The following EVC2 variants were observed in gnomAD, a reference collection of about 807,000 sequenced individuals.
EVC2 encodes the protein limbin.
EVC2 carries 148 observed loss-of-function variants against 149.3 expected under a neutral mutation model. That is an observed-to-expected ratio of 0.99 (90% CI 0.87 to 1.14). The LOEUF is 1.14. EVC2 is among the 50% of genes most tolerant of loss of function. The probability of loss-of-function intolerance (pLI) is 0.00; values close to 1 mark genes in which losing one functional copy is unlikely to be tolerated. For synonymous variants in EVC2, 776 were observed against 649.9 expected (o/e 1.19, Z -2.95); for missense variants, 1,854 against 1,627.3 (o/e 1.14, Z -2.40).
At chr4:5,664,928 G>A (rs186408704) in intron 8 of EVC2, among the ~76,000 whole-genome samples, 23 of 149,860 alleles carry the variant, frequency 1.5e-4, no homozygotes, top group Admixed American at 4.6e-4. Context: ...TGTGGGTGAC[G>A]GGCTGCGTGT....
Position 5,657,871 on chromosome 4 carries a change from CTG to C in EVC2, c.1145+5234_1145+5235del, listed in dbSNP as rs758623595. Among the ~76,000 whole-genome samples the C allele has an allele frequency of 3.3e-5, 5 of 152,152 alleles. No homozygotes were observed. Among genetic ancestry groups the C allele is most frequent in the Admixed American group, 6.5e-5 (1 of 15,288 alleles). ...ACTGGCTCTGATGACTCTTCAATCTCTGTGCCCTCTACACCTCCCACCCTGGC... is the reference window on the plus strand; with the variant it reads ...ACTGGCTCTGATGACTCTTCAATCTCTGCCCTCTACACCTCCCACCCTGGC... On this transcript the variant is annotated intron_variant, in intron 9 of 21. Coordinates refer to ENST00000344408, the MANE Select transcript of EVC2 (RefSeq NM_147127.5). The surrounding 1 kb of genome is among the most constrained non-coding windows in gnomAD (Gnocchi z 4.7).
At chr4:5,655,437 G>T (rs999559998) in intron 9 of EVC2, among the ~76,000 whole-genome samples, 6 of 152,082 alleles carry the variant, frequency 3.9e-5, no homozygotes, top group African/African-American at 1.4e-4. Context: ...AGAGACTAAG[G>T]CCTCTTCCCC....
At chr4:5,689,622 T>C (rs931590008) in intron 4 of EVC2, among the ~76,000 whole-genome samples, 6 of 151,994 alleles carry the variant, frequency 3.9e-5, no homozygotes, top group Non-Finnish European at 8.8e-5. Context: ...AGAAGAAAAA[T>C]CTCCAAGTGC....
intron 10 of EVC2, among the ~76,000 whole-genome samples, chr4:5,638,524 T>C (rs1281298874): frequency 6.6e-6 from 1 of 151,998 alleles, no homozygotes; most frequent in Non-Finnish European, 1.5e-5. Context: ...GGATGTGGGA[T>C]GTTGAGCAGC....
chr4:5,552,203 T>TAA (rs1473596227), intron 21 of EVC2, among the ~76,000 whole-genome samples: 2 of 152,228 alleles, frequency 1.3e-5, no homozygotes, highest in African/African-American at 2.4e-5. Flanking sequence ...AGATGAGGAC[T>TAA]AAACTCTCCT....
At chr4:5,592,373 G>A (rs1712884834) in intron 16 of EVC2, among the ~76,000 whole-genome samples, 1 of 152,154 alleles carries the variant, frequency 6.6e-6, no homozygotes, top group Admixed American at 6.5e-5. Flanking sequence ...ATCTAGCGGT[G>A]CCACTAGCAA....
At chr4:5,669,202 T>A (rs750016114) in intron 7 of EVC2, among the ~76,000 whole-genome samples, 1 of 152,202 alleles carries the variant, frequency 6.6e-6, no homozygotes, top group Non-Finnish European at 1.5e-5. Flanking sequence ...CCTGCAGAAC[T>A]GTGAGAAAAT....
rs200300612 is a variant in EVC2 at position 5,565,256 on chromosome 4, A to G, written c.3659+2T>C. 5.9e-5 allele frequency: 95 copies of G among 1,613,144 alleles called. No individual in the cohort carries two copies. Among genetic ancestry groups the G allele is most frequent in the Non-Finnish European group, 7.9e-5 (93 of 1,179,660 alleles). ...GCCACATGAGCAGGTGCCCATCATT[A>G]CCTCTGCTTTCTCTTGCGGGCCCAC... On this transcript the variant is annotated splice_donor_variant, in intron 21 of 21. Coordinates refer to ENST00000344408, the MANE Select transcript of EVC2 (RefSeq NM_147127.5). LOFTEE classifies it high-confidence loss of function.
intron 18 of EVC2, among the ~76,000 whole-genome samples, chr4:5,575,673 A>C (rs911801349): frequency 6.6e-6 from 1 of 152,242 alleles, no homozygotes; most frequent in African/African-American, 2.4e-5. Context: ...GAAAAGTATG[A>C]AGCTGTTAAA....
intron 8 of EVC2, among the ~76,000 whole-genome samples, chr4:5,665,086 G>T (rs898480341): frequency 6.6e-6 from 1 of 152,068 alleles, no homozygotes; most frequent in African/African-American, 2.4e-5. Context: ...CTGCGTGTGG[G>T]TGATGGGCTT....
At position 5,633,684 on chromosome 4, in the gene EVC2, C is replaced by T. The variant is rs1716709892; in HGVS notation, c.1471-1652G>A. On this transcript the variant is annotated intron_variant, in intron 10 of 21. Transcript: ENST00000344408. This position sits in a 1 kb window ranked among gnomAD's most constrained non-coding sequence, Gnocchi z 4.4. Reference sequence around the variant, plus strand: ...GAAGCAGGCAGGTGTGGCATCATGCCATGGCTGGGCTGAGTAGAAGCCCGA... The same window carrying T: ...GAAGCAGGCAGGTGTGGCATCATGCTATGGCTGGGCTGAGTAGAAGCCCGA... 6.6e-6 allele frequency among the ~76,000 whole-genome samples: 1 copy of T among 152,244 alleles called. No homozygotes were observed. Among genetic ancestry groups the T allele is most frequent in the Admixed American group, 6.5e-5 (1 of 15,292 alleles).
intron 4 of EVC2, among the ~76,000 whole-genome samples, chr4:5,690,896 T>A (rs903879493): frequency 6.6e-6 from 1 of 152,200 alleles, no homozygotes; most frequent in African/African-American, 2.4e-5. Context: ...AAGGATAATA[T>A]GTGGGATTGT....
At chr4:5,583,275 A>G (rs1711965191) in intron 17 of EVC2, among the ~76,000 whole-genome samples, 1 of 152,192 alleles carries the variant, frequency 6.6e-6, no homozygotes, top group African/African-American at 2.4e-5. Flanking sequence ...TTCAAATGGT[A>G]CATCTATGTT....
chr4:5,654,971 C>T (rs1718415460), intron 9 of EVC2, among the ~76,000 whole-genome samples: 1 of 152,204 alleles, frequency 6.6e-6, no homozygotes, highest in African/African-American at 2.4e-5. Flanking sequence ...CCCTGCTTTT[C>T]TTGGCTTCCT....
chr4:5,591,030 C>G (rs1712748850), intron 16 of EVC2, among the ~76,000 whole-genome samples: 1 of 152,146 alleles, frequency 6.6e-6, no homozygotes, highest in African/African-American at 2.4e-5. Flanking sequence ...TAAGTTACCT[C>G]TCACTAGGTC....
intron 1 of EVC2, among the ~76,000 whole-genome samples, chr4:5,704,497 A>G (rs190622988): frequency 1.3e-5 from 2 of 152,074 alleles, no homozygotes; most frequent in Non-Finnish European, 2.9e-5. Flanking sequence ...AGGCATGCAG[A>G]TCCACGGTGG....
chr4:5,665,635 G>T lies in EVC2; in HGVS notation c.885C>A (p.His295Gln). The T allele has an allele frequency of 9.9e-6, 16 of 1,614,180 alleles. No homozygotes were observed. Among genetic ancestry groups the T allele is most frequent in the Non-Finnish European group, 1.4e-5 (16 of 1,180,032 alleles). ...TGAAGAACCCTGCTGCGTGGAGGCC[G>T]TGGTGCGGCAGAACCTGTGGAGACA... Reference protein sequence around the residue: ...AEENVTVLPHHGLHAAGFFIA... With the variant: ...AEENVTVLPHQGLHAAGFFIA... The change falls in exon 8 of 22, where the codon CAC becomes CAA. Residue 295 changes from histidine to glutamine, a missense_variant. By Grantham distance (24) the His-to-Gln change is conservative. Transcript: ENST00000344408.
At chr4:5,645,813 T>C (rs1228596607) in intron 9 of EVC2, among the ~76,000 whole-genome samples, 1 of 152,244 alleles carries the variant, frequency 6.6e-6, no homozygotes, top group African/African-American at 2.4e-5. Flanking sequence ...GTAGTTCTGT[T>C]TTTAGGTCTT....
At chr4:5,641,577 T>C (rs1439462946) in intron 9 of EVC2, among the ~76,000 whole-genome samples, 1 of 152,200 alleles carries the variant, frequency 6.6e-6, no homozygotes, top group African/African-American at 2.4e-5. Context: ...CAGTAACACA[T>C]CAGACTGTAC....
Sources: allele counts gnomAD v4.1 joint callset (sites outside exome capture counted in the v4.1 genomes callset), GRCh38; gene constraint gnomAD v4.1.1; non-coding constraint Gnocchi (gnomAD v3.1); transcripts MANE v1.5; gene names NCBI Gene and HGNC (gene_info 2026-07-23, HGNC 2026-07-21).